Variants in SPTA1 observed in about 807,000 individuals in gnomAD.
SPTA1 encodes spectrin alpha, erythrocytic 1, also known as spectrin alpha chain, erythrocytic 1.
In SPTA1, 177 loss-of-function variants were observed where a neutral mutation model predicts 324.7. That is an observed-to-expected ratio of 0.55 (90% confidence interval 0.48 to 0.62). The LOEUF (loss-of-function observed/expected upper bound fraction) is 0.62, where lower values mean the gene tolerates loss of function less well. Among genes scored for constraint, SPTA1 ranks in the 20% least tolerant of loss-of-function variants. The pLI is 0.00. For synonymous variants in SPTA1, 1,195 were observed against 1,041.3 expected (o/e 1.15, Z -2.84); for missense variants, 3,162 against 2,883.6 (o/e 1.10, Z -2.21).
rs1322304746 is a variant in SPTA1 at position 158,639,662 on chromosome 1, C to T, written c.4900G>A (p.Asp1634Asn). 2 of 1,613,776 alleles carry T rather than the reference C, an allele frequency of 1.2e-6. No homozygotes were observed. Among genetic ancestry groups the T allele is most frequent in the African/African-American group, 2.7e-5 (2 of 74,908 alleles). The change falls in exon 35 of 52, where the codon GAT (aspartate) becomes AAT (asparagine). Residue 1634 changes from aspartate (D) to asparagine (N), a missense_variant. By Grantham distance (23) the Asp-to-Asn change is conservative. Transcript: ENST00000643759. The part of the protein sequence containing the change: ...SEAETLLAMK[D>N]QARDLASAGN... The stretch of plus-strand genomic sequence containing the variant: ...GCTGAAGCCAAGTCCCTGGCCTGAT[C>T]TTTCATGGCCAGCAATGTCTCTGCC...
intron 30 of SPTA1, 37 bp downstream of exon 30, chr1:158,644,216 G>A (rs200742325): frequency 6.2e-4 from 1,003 of 1,609,898 alleles, no homozygotes; most frequent in Non-Finnish European, 7.7e-4. Context: ...TTATTACTAC[G>A]GATTATTATT....
chr1:158,622,190 T>A (rs1571383126), intron 43 of SPTA1, among the ~76,000 whole-genome samples: 1 of 152,314 alleles, frequency 6.6e-6, no homozygotes, highest in Admixed American at 6.5e-5. Context: ...ATTTTTATGA[T>A]CAACATCCAA....
Position 158,612,878 on chromosome 1 carries a change from T to A in SPTA1, c.7073A>T (p.Glu2358Val). 1.2e-6 allele frequency: 2 copies of A among 1,614,024 alleles called. No homozygotes were observed. The highest frequency in any genetic ancestry group is 1.7e-6 in the Non-Finnish European group (2 of 1,179,922). ...CTCTGCCAGGGCTTGGAAGGCATTCTCTATTTCATCACTGGACTTGATGTT... is the reference window on the plus strand; with the variant it reads ...CTCTGCCAGGGCTTGGAAGGCATTCACTATTTCATCACTGGACTTGATGTT... ...SENIKSSDEIENAFQALAEGK... is the reference protein window; with the variant it reads ...SENIKSSDEIVNAFQALAEGK... Residue 2358 changes from glutamate (E) to valine (V), a missense_variant, in exon 51 of 52, where the codon GAG becomes GTG. Transcript: ENST00000643759.
At chr1:158,614,178 G>A in intron 49 of SPTA1, 75 bp downstream of exon 49, 1 of 1,199,120 alleles carries the variant, frequency 8.3e-7, no homozygotes, top group South Asian at 1.3e-5. Flanking sequence ...CACAGAGTGA[G>A]AGAAACATTA....
Position 158,612,944 on chromosome 1 carries a change from A to T in SPTA1, c.7007T>A (p.Leu2336Gln). ...AATCAGGAAAGCAGTATAGTCCTCCAGTGAGACATAGCCCTTCCTGTGGGA... is the reference window on the plus strand; with the variant it reads ...AATCAGGAAAGCAGTATAGTCCTCCTGTGAGACATAGCCCTTCCTGTGGGA... ...VDPGRKGYVS[L>Q]EDYTAFLIDK... is the part of the protein sequence containing the mutation. Residue 2336 changes from leucine to glutamine, a missense_variant, in exon 51 of 52, where the codon CTG becomes CAG. Coordinates refer to ENST00000643759, the MANE Select transcript of SPTA1 (RefSeq NM_003126.4). The T allele has an allele frequency of 3.7e-6, 6 of 1,613,882 alleles. No homozygotes were observed. The highest frequency in any genetic ancestry group is 5.1e-6 in the Non-Finnish European group (6 of 1,179,880).
chr1:158,645,517 T>G lies in SPTA1; in HGVS notation c.3974A>C (p.Glu1325Ala), dbSNP rs1651932517. ...QELAEDLTGI[E>A]ILLERHQEHR... The stretch of plus-strand genomic sequence containing the variant: ...TACCTGATGTCTCTCCAGCAAGATC[T>G]CTATGCCAGTTAAGTCTTCGGCCAG... Residue 1325 changes from glutamate to alanine, a missense_variant, in exon 28 of 52, where the codon GAG becomes GCG. Physicochemically the swap from Glu to Ala is moderately radical, Grantham distance 107. Coordinates refer to ENST00000643759, the MANE Select transcript of SPTA1 (RefSeq NM_003126.4). The G allele has an allele frequency of 6.2e-7, 1 of 1,613,900 alleles. No homozygotes were observed. Among genetic ancestry groups the G allele is most frequent in the South Asian group, 1.1e-5 (1 of 91,086 alleles).
chr1:158,618,235 TC>T, intron 45 of SPTA1, 179 bp from the exon 46 acceptor site: 1 of 645,566 alleles, frequency 1.5e-6, no homozygotes, highest in South Asian at 1.9e-5. Context: ...TCTGAGAAGA[TC>T]AGAGTCTCCC....
intron 15 of SPTA1, among the ~76,000 whole-genome samples, chr1:158,666,972 C>T (rs1246175388): frequency 2.6e-5 from 4 of 152,186 alleles, no homozygotes; most frequent in Non-Finnish European, 5.9e-5. Context: ...CTGTTCCCCA[C>T]AATTTTATCT....
chr1:158,671,328 G>A lies in SPTA1; in HGVS notation c.1599+15C>T. On this transcript the variant is annotated intron_variant, in intron 12 of 51. Transcript: ENST00000643759. The stretch of plus-strand genomic sequence containing the variant: ...AGAGAGGGAGCCAATGCCCAAACTA[G>A]GGCCAATTTCTTACTATGATCTTCT... The A allele has an allele frequency of 6.2e-7, 1 of 1,608,080 alleles. No individual in the cohort carries two copies. The highest frequency in any genetic ancestry group is 8.5e-7 in the Non-Finnish European group (1 of 1,175,130).
At chr1:158,649,814 G>A (rs1320353958) in intron 25 of SPTA1, 42 bp downstream of exon 25, 6 of 1,481,382 alleles carry the variant, frequency 4.1e-6, no homozygotes, top group East Asian at 2.3e-5. Flanking sequence ...TTTAGTGAGT[G>A]GGTTTTAAAG....
intron 16 of SPTA1, among the ~76,000 whole-genome samples, chr1:158,665,884 C>T (rs960326307): frequency 6.6e-6 from 1 of 152,076 alleles, no homozygotes; most frequent in African/African-American, 2.4e-5. Flanking sequence ...GTGAAATGAC[C>T]TATCAAAGAT....
chr1:158,642,758 T>A (rs857721), intron 32 of SPTA1, 56 bp downstream of exon 32: 425,349 of 1,612,634 alleles, frequency 0.26, 58,957 homozygotes, highest in East Asian at 0.41. Context: ...GTGATGACTA[T>A]CCAACCAACA....
rs55832242 is a variant in SPTA1 at position 158,611,131 on chromosome 1, G to GCACA, written c.*129_*132dup. ...AAATGTAATATGCACACAAACACAA[G>GCACA]CACACACACACACACACACACACAC... is the stretch of plus-strand genomic sequence containing the variant. On this transcript the variant is annotated 3_prime_UTR_variant, in exon 52 of 52. Coordinates refer to ENST00000643759, the MANE Select transcript of SPTA1 (RefSeq NM_003126.4). The GCACA allele has an allele frequency of 0.072, 47,896 of 667,594 alleles. 814 individuals carry two copies. The highest frequency in any genetic ancestry group is 0.087 in the African/African-American group (4,644 of 53,370). 41.4% of individuals were successfully genotyped at this position (667,594 alleles called of 1,614,324 possible).
rs778833148 is a variant in SPTA1 at position 158,612,927 on chromosome 1, A to G, written c.7024T>C (p.Phe2342Leu). The part of the protein sequence containing the change: ...GYVSLEDYTA[F>L]LIDKESENIK... ...TTTTCTGACTCCTTGTCAATCAGGA[A>G]AGCAGTATAGTCCTCCAGTGAGACA... The change falls in exon 51 of 52, where the codon TTC becomes CTC. Residue 2342 changes from phenylalanine (F) to leucine (L), a missense_variant. Phe to Leu is a conservative substitution (Grantham distance 22, BLOSUM62 0). Coordinates refer to ENST00000643759, the MANE Select transcript of SPTA1 (RefSeq NM_003126.4). 1.9e-6 allele frequency: 3 copies of G among 1,613,788 alleles called. No individual in the cohort carries two copies. Among genetic ancestry groups the G allele is most frequent in the Admixed American group, 3.3e-5 (2 of 59,948 alleles).
At chr1:158,646,927 T>C (rs1288463690) in intron 27 of SPTA1, among the ~76,000 whole-genome samples, 1 of 152,226 alleles carries the variant, frequency 6.6e-6, no homozygotes, top group Admixed American at 6.5e-5. Flanking sequence ...TGATAATGTC[T>C]AGACTTTAGT....
intron 45 of SPTA1, 116 bp from the exon 46 acceptor site, chr1:158,618,172 G>T (rs1036297614): frequency 1.4e-5 from 16 of 1,171,078 alleles, no homozygotes; most frequent in African/African-American, 7.5e-5. Flanking sequence ...TAAATCTTTT[G>T]TTGCCACAAA....
Position 158,683,419 on chromosome 1 carries a change from T to C in SPTA1, c.342A>G (p.Thr114=). 6.2e-7 allele frequency: 1 copy of C among 1,613,522 alleles called. No homozygotes were observed. The highest frequency in any genetic ancestry group is 8.5e-7 in the Non-Finnish European group (1 of 1,179,572). The part of the protein sequence containing the change: ...KSRLMSELEK[T]REERFTMGHS... ...GACCCATGGTAAATCGTTCTTCCCT[T>C]GTTTTTTCCAGTTCAGACATGAGTC... The change falls in exon 3 of 52, where the codon ACA becomes ACG. Residue 114 remains threonine (T), a synonymous_variant. Transcript: ENST00000643759.
chr1:158,636,589 G>C, intron 37 of SPTA1, 52 bp downstream of exon 37: 2 of 1,594,674 alleles, frequency 1.3e-6, no homozygotes, highest in Non-Finnish European at 1.7e-6. Context: ...GTAACACAAG[G>C]GGTTGCTATA....
At chr1:158,674,518 C>G in intron 9 of SPTA1, 22 bp downstream of exon 9, 8 of 1,614,096 alleles carry the variant, frequency 5.0e-6, no homozygotes, top group Non-Finnish European at 6.8e-6. Flanking sequence ...CCTCCTCCTA[C>G]TGGGCAGCCT....
Sources: allele counts gnomAD v4.1 joint callset (sites outside exome capture counted in the v4.1 genomes callset), GRCh38; gene constraint gnomAD v4.1.1; transcripts MANE v1.5; gene names NCBI Gene and HGNC (gene_info 2026-07-23, HGNC 2026-07-21).